The following XIRP2 variants were observed in gnomAD, a reference collection of about 807,000 sequenced individuals.
XIRP2 encodes xin actin-binding repeat-containing protein 2.
In XIRP2, 236 loss-of-function variants were observed where a neutral mutation model predicts 277.0. The observed-to-expected ratio is 0.85, with a 90% confidence interval of 0.77 to 0.95. XIRP2 has a LOEUF of 0.95. XIRP2 is among the 40% of genes least tolerant of loss of function. The pLI, the probability that XIRP2 is intolerant of heterozygous loss-of-function variation, is 0.00. For synonymous variants in XIRP2, 1,490 were observed against 1,416.5 expected (o/e 1.05, Z -1.17); for missense variants, 4,640 against 4,157.5 (o/e 1.12, Z -3.19).
At chr2:166,970,673 G>A (rs994488339) in intron 2 of XIRP2, among the ~76,000 whole-genome samples, 2 of 151,860 alleles carry the variant, frequency 1.3e-5, no homozygotes, top group Admixed American at 6.6e-5. Context: ...ACAGACAAAT[G>A]AAAAGGTAAA....
intron 2 of XIRP2, among the ~76,000 whole-genome samples, chr2:167,024,263 T>C (rs1352274552): frequency 1.3e-5 from 2 of 152,150 alleles, no homozygotes; most frequent in Non-Finnish European, 2.9e-5. Context: ...TTGTCTGTTA[T>C]TGGTGTATAA....
intron 9 of XIRP2, among the ~76,000 whole-genome samples, chr2:167,253,734 G>A (rs1413890242): frequency 6.6e-6 from 1 of 151,528 alleles, no homozygotes; most frequent in Admixed American, 6.6e-5. Flanking sequence ...ATATATGTTT[G>A]TAATGTACTT....
At chr2:167,156,170 G>A (rs534364489) in intron 3 of XIRP2, among the ~76,000 whole-genome samples, 6 of 151,952 alleles carry the variant, frequency 3.9e-5, no homozygotes, top group African/African-American at 1.2e-4. Flanking sequence ...TGGCCATACT[G>A]CCCAAGGTAA....
intron 2 of XIRP2, among the ~76,000 whole-genome samples, chr2:167,119,895 C>G (rs950360755): frequency 6.6e-6 from 1 of 152,156 alleles, no homozygotes; most frequent in African/African-American, 2.4e-5. Flanking sequence ...CCTATAAGAG[C>G]ACTCCTTCTC....
chr2:167,000,252 TA>T (rs1460214514), intron 2 of XIRP2, among the ~76,000 whole-genome samples: 16 of 152,158 alleles, frequency 1.1e-4, no homozygotes, highest in African/African-American at 3.9e-4. Flanking sequence ...GAAATTATGA[TA>T]GTTTCCTCTT....
chr2:166,923,077 A>G (rs558792481), intron 2 of XIRP2, among the ~76,000 whole-genome samples: 64 of 152,222 alleles, frequency 4.2e-4, no homozygotes, highest in South Asian at 1.4e-3. Context: ...GTGAGAAATA[A>G]AGAATGAACT....
intron 2 of XIRP2, among the ~76,000 whole-genome samples, chr2:166,965,416 C>T (rs1395870932): frequency 6.6e-6 from 1 of 151,848 alleles, no homozygotes; most frequent in Non-Finnish European, 1.5e-5. Flanking sequence ...ATCTCAATGA[C>T]TGTGGAATTC....
intron 2 of XIRP2, among the ~76,000 whole-genome samples, chr2:167,074,624 ATGTGTGTGTGCGTGTG>A (rs1376677184): frequency 1.4e-5 from 2 of 139,242 alleles, no homozygotes; most frequent in East Asian, 4.2e-4. Flanking sequence ...GTGTGTGTGC[ATGTGTGTGTGCGTGTG>A]TGTGTGTGTG....
At chr2:167,194,270 G>A (rs1005831119) in intron 3 of XIRP2, among the ~76,000 whole-genome samples, 1 of 151,664 alleles carries the variant, frequency 6.6e-6, no homozygotes, top group African/African-American at 2.4e-5. Context: ...TAGTAGAGAC[G>A]AGGTTTCACC....
intron 2 of XIRP2, among the ~76,000 whole-genome samples, chr2:167,083,451 A>T (rs1338729462): frequency 6.6e-5 from 10 of 152,150 alleles, no homozygotes; most frequent in South Asian, 2.1e-4. Flanking sequence ...CCATATGAAC[A>T]TTATAGTAGT....
chr2:167,247,950 T>C lies in XIRP2; in HGVS notation c.6558T>C (p.Thr2186=), dbSNP rs755893035. The C allele has an allele frequency of 6.2e-7, 1 of 1,609,178 alleles. No homozygotes were observed. Residue 2186 remains threonine (T), a synonymous_variant, in exon 9 of 11, where the codon ACT becomes ACC. Transcript: ENST00000409195. ...TTTCAGGGGACTTTCAGAAGCAAACTTTGTTAAAGCAAGAAACAAAATATT... is the reference window on the plus strand; with the variant it reads ...TTTCAGGGGACTTTCAGAAGCAAACCTTGTTAAAGCAAGAAACAAAATATT... ...YDLSGDFQKQ[T]LLKQETKYSN...
intron 2 of XIRP2, among the ~76,000 whole-genome samples, chr2:167,112,074 T>G (rs1690773345): frequency 6.6e-6 from 1 of 152,154 alleles, no homozygotes; most frequent in Non-Finnish European, 1.5e-5. Flanking sequence ...CTAATCTAAC[T>G]AGTGTTTTAT....
chr2:166,955,460 G>A (rs1042361340), intron 2 of XIRP2, among the ~76,000 whole-genome samples: 2 of 151,934 alleles, frequency 1.3e-5, no homozygotes, highest in South Asian at 2.1e-4. Flanking sequence ...ATGAAGGATT[G>A]AGGGGGGTGA....
At chr2:167,054,322 A>G (rs1024097111) in intron 2 of XIRP2, among the ~76,000 whole-genome samples, 25 of 152,220 alleles carry the variant, frequency 1.6e-4, no homozygotes, top group South Asian at 2.1e-4. Context: ...ATCTTTGCTG[A>G]ACACTTTATC....
chr2:167,124,792 T>A (rs74664020), intron 2 of XIRP2, among the ~76,000 whole-genome samples: 4,644 of 152,230 alleles, frequency 0.031, 78 homozygotes, highest in East Asian at 0.05. Context: ...TAGAAAATGG[T>A]GGCAAAGCGG....
chr2:167,019,121 C>T (rs958520278), intron 2 of XIRP2, among the ~76,000 whole-genome samples: 3 of 151,848 alleles, frequency 2.0e-5, no homozygotes, highest in Admixed American at 2.0e-4. Flanking sequence ...AATAAAGTGC[C>T]AAGGAAACTC....
At chr2:167,078,260 T>C (rs910761493) in intron 2 of XIRP2, among the ~76,000 whole-genome samples, 3 of 152,208 alleles carry the variant, frequency 2.0e-5, no homozygotes, top group African/African-American at 7.2e-5. Context: ...ATTGCATTCT[T>C]GATTTAGCTC....
chr2:167,188,175 G>A (rs1024551001), intron 3 of XIRP2, among the ~76,000 whole-genome samples: 1 of 152,186 alleles, frequency 6.6e-6, no homozygotes, highest in Non-Finnish European at 1.5e-5. Flanking sequence ...AGAAGACTGA[G>A]ATTTTACTTT....
At chr2:167,241,642 T>C in intron 7 of XIRP2, 135 bp from the exon 8 acceptor site, 3 of 975,232 alleles carry the variant, frequency 3.1e-6, no homozygotes, top group Non-Finnish European at 4.3e-6. Flanking sequence ...ACCCTTGGGC[T>C]CAAGTAATCT....
Sources: allele counts gnomAD v4.1 joint callset (sites outside exome capture counted in the v4.1 genomes callset), GRCh38; gene constraint gnomAD v4.1.1; transcripts MANE v1.5; gene names NCBI Gene and HGNC (gene_info 2026-07-23, HGNC 2026-07-21).